The following ACBD6 variants were observed in gnomAD, a reference collection of about 807,000 sequenced individuals.
ACBD6 encodes acyl-CoA binding domain containing 6, also known as acyl-CoA-binding domain-containing protein 6.
ACBD6 carries 28 observed loss-of-function variants against 37.2 expected under a neutral mutation model. That is an observed-to-expected ratio of 0.75 (90% CI 0.56 to 1.03). The LOEUF (loss-of-function observed/expected upper bound fraction) is 1.03. Ranked by LOEUF, ACBD6 falls within the 50% of genes least tolerant of loss-of-function variation. ACBD6 has a pLI of 0.00. For synonymous variants in ACBD6, 113 were observed against 126.8 expected, an observed-to-expected ratio of 0.89 and a Z score of 0.73; for missense variants, 340 against 337.4, an observed-to-expected ratio of 1.01 and a Z score of -0.06.
At chr1:180,277,673 CT>C (rs1649115960) in intron 9 of ACBD6, 1 of 152,190 alleles carries the variant, frequency 6.6e-6, no homozygotes, top group African/African-American at 2.4e-5. Flanking sequence ...CCTTCAAGGA[CT>C]TGCTATGCAA....
At chr1:180,492,488 T>C (rs1269221698) in intron 2 of ACBD6, 123 bp from the exon 3 acceptor site, 8 of 774,158 alleles carry the variant, frequency 1.0e-5, no homozygotes, top group Non-Finnish European at 1.8e-5. Flanking sequence ...TAATAAGCTA[T>C]GGATAGAGAA....
chr1:180,339,910 A>G (rs1274929290), intron 6 of ACBD6, among the ~76,000 whole-genome samples: 6 of 152,070 alleles, frequency 3.9e-5, no homozygotes, highest in Admixed American at 1.3e-4. Context: ...TCAACTTAAA[A>G]TAAGGAAGGC....
intron 6 of ACBD6, among the ~76,000 whole-genome samples, chr1:180,388,027 T>C (rs1207044832): frequency 7.0e-6 from 1 of 143,826 alleles, no homozygotes; most frequent in Non-Finnish European, 1.6e-5. Context: ...TACAAAAAAA[T>C]TAGCCGGGCG....
intron 4 of ACBD6, among the ~76,000 whole-genome samples, chr1:180,417,747 G>A (rs1168224242): frequency 1.3e-5 from 2 of 151,950 alleles, no homozygotes; most frequent in African/African-American, 4.8e-5. Context: ...TCTGATCAAT[G>A]GTAATTCACC....
At chr1:180,407,655 T>C (rs1197326256) in intron 5 of ACBD6, among the ~76,000 whole-genome samples, 1 of 152,196 alleles carries the variant, frequency 6.6e-6, no homozygotes, top group Non-Finnish European at 1.5e-5. Flanking sequence ...GTAGGAAGAA[T>C]ACTCTCCCAG....
intron 6 of ACBD6, among the ~76,000 whole-genome samples, chr1:180,341,348 G>A (rs182837201): frequency 6.6e-6 from 1 of 152,124 alleles, no homozygotes; most frequent in Admixed American, 6.5e-5. Context: ...AATAAAGTAG[G>A]TTATAAAACT....
intron 6 of ACBD6, among the ~76,000 whole-genome samples, chr1:180,390,099 A>G (rs1321653769): frequency 6.6e-6 from 1 of 152,022 alleles, no homozygotes; most frequent in Non-Finnish European, 1.5e-5. Context: ...CTGAATGGTA[A>G]TGCCTAGGTT....
In ACBD6 at chr1:180,413,455, T is replaced by C; in HGVS notation, c.484A>G (p.Ile162Val). The C allele has an allele frequency of 1.2e-6, 2 of 1,612,252 alleles. No individual in the cohort carries two copies. The highest frequency in any genetic ancestry group is 1.7e-6 in the Non-Finnish European group (2 of 1,179,322). ...EETIREEDKN[I>V]FDYCRENNID... is the part of the protein sequence containing the mutation. ...TTGTTTTCCCTGCAGTAATCAAATA[T>C]ATTTTTGTCTTCTTCCCTAGAATAA... The change falls in exon 5 of 8, where the codon ATA (isoleucine) becomes GTA (valine). Residue 162 changes from isoleucine (I) to valine (V), a missense_variant. Ile to Val is a conservative substitution (Grantham distance 29). Transcript: ENST00000367595.
At chr1:180,328,234 C>A (rs148667129) in intron 6 of ACBD6, among the ~76,000 whole-genome samples, 1 of 148,406 alleles carries the variant, frequency 6.7e-6, no homozygotes, top group East Asian at 1.9e-4. Context: ...TATATACACA[C>A]ATATATGTAT....
chr1:180,281,692 T>G (rs139506965), intron 8 of ACBD6, among the ~76,000 whole-genome samples: 176 of 152,308 alleles, frequency 1.2e-3, no homozygotes, highest in African/African-American at 3.9e-3. Context: ...GGATGATTAT[T>G]TGTCTCATGA....
chr1:180,444,475 A>G (rs1269265476), intron 3 of ACBD6, among the ~76,000 whole-genome samples: 1 of 152,230 alleles, frequency 6.6e-6, no homozygotes, highest in Non-Finnish European at 1.5e-5. Flanking sequence ...TAAAAAGATT[A>G]TATCTTAGGC....
chr1:180,371,088 T>C (rs1379227576), intron 6 of ACBD6, among the ~76,000 whole-genome samples: 2 of 152,124 alleles, frequency 1.3e-5, no homozygotes, highest in East Asian at 1.9e-4. Context: ...CATAGATCAT[T>C]TGGTATTGGA....
At chr1:180,315,856 G>A (rs934615332) in intron 6 of ACBD6, among the ~76,000 whole-genome samples, 1 of 152,100 alleles carries the variant, frequency 6.6e-6, no homozygotes, top group Non-Finnish European at 1.5e-5. Context: ...TGGGAGAGAG[G>A]AGATATGAAA....
At chr1:180,477,493 G>A (rs537550942) in intron 3 of ACBD6, among the ~76,000 whole-genome samples, 6 of 152,186 alleles carry the variant, frequency 3.9e-5, no homozygotes, top group African/African-American at 1.2e-4. Context: ...CTATATGGAG[G>A]TTAATAAATT....
At chr1:180,408,789 A>G (rs1457134673) in intron 5 of ACBD6, among the ~76,000 whole-genome samples, 1 of 152,154 alleles carries the variant, frequency 6.6e-6, no homozygotes, top group Admixed American at 6.6e-5. Context: ...AATAATGTCT[A>G]AAGTTGAAAA....
At position 180,291,599 on chromosome 1, in the gene ACBD6, A is replaced by AT. The variant is rs200231627; in HGVS notation, c.695-3083dup. ...GGTCTTTATATGTTGTGGACACAAA[A>AT]TTTTTTTTTCCAAATATATGTTTTA... On this transcript the variant is annotated intron_variant, in intron 7 of 7. Coordinates refer to ENST00000367595, the MANE Select transcript of ACBD6 (RefSeq NM_032360.4). Among the ~76,000 whole-genome samples the AT allele has an allele frequency of 5.5e-3, 832 of 151,510 alleles. 7 individuals are homozygous for AT. The highest frequency in any genetic ancestry group is 0.019 in the African/African-American group (773 of 41,324).
At chr1:180,489,610 G>C (rs1398640587) in intron 3 of ACBD6, among the ~76,000 whole-genome samples, 1 of 151,266 alleles carries the variant, frequency 6.6e-6, no homozygotes, top group Admixed American at 6.6e-5. Flanking sequence ...CAATAGGTTA[G>C]ATTTAGACAT....
intron 9 of ACBD6, among the ~76,000 whole-genome samples, chr1:180,279,264 A>G (rs770558860): frequency 3.9e-5 from 6 of 152,200 alleles, no homozygotes. Context: ...AATGTTGACC[A>G]TATAACTTTT....
At chr1:180,377,020 A>G (rs1653462963) in intron 6 of ACBD6, among the ~76,000 whole-genome samples, 5 of 152,250 alleles carry the variant, frequency 3.3e-5, no homozygotes, top group Admixed American at 3.3e-4. Context: ...TGGCAAAATG[A>G]AATATACATA....
Sources: gnomAD v4.1 joint callset for allele counts (sites outside exome capture counted in the v4.1 genomes callset) on GRCh38, gnomAD v4.1.1 for gene constraint, MANE v1.5 for transcripts, NCBI Gene and HGNC (gene_info 2026-07-23, HGNC 2026-07-21) for gene names.